SNTG1: variants seen among roughly 807,000 people sequenced by gnomAD.
SNTG1 encodes the protein syntrophin gamma 1.
In SNTG1, 39 loss-of-function variants were observed where a neutral mutation model predicts 74.7. The ratio of observed to expected loss-of-function variants is 0.52; its 90% CI spans 0.40 to 0.68. SNTG1 has a LOEUF of 0.68. Among genes scored for constraint, SNTG1 ranks in the 30% least tolerant of loss-of-function variants. The pLI is 0.00. For synonymous variants in SNTG1, 254 were observed against 217.1 expected (o/e 1.17, Z -1.49); for missense variants, 685 against 609.5 (o/e 1.12, Z -1.30).
chr8:49,933,705 T>C (rs1486447601), intron 1 of SNTG1, among the ~76,000 whole-genome samples: 5 of 152,244 alleles, frequency 3.3e-5, no homozygotes, highest in African/African-American at 1.2e-4. Flanking sequence ...TCCATTGATG[T>C]TGATGTCCAG....
chr8:50,419,799 A>AGGTGT (rs1200515025), intron 4 of SNTG1, among the ~76,000 whole-genome samples: 1 of 152,214 alleles, frequency 6.6e-6, no homozygotes, highest in Non-Finnish European at 1.5e-5. Flanking sequence ...TTAGTTACAA[A>AGGTGT]CACCATTGAA....
intron 8 of SNTG1, among the ~76,000 whole-genome samples, chr8:50,495,482 G>A (rs1049209480): frequency 6.3e-5 from 9 of 142,834 alleles, no homozygotes; most frequent in Non-Finnish European, 3.0e-5. Context: ...TTTTTTTTGA[G>A]TTATTTCCTC....
At chr8:50,124,433 T>C (rs1466258755) in intron 1 of SNTG1, among the ~76,000 whole-genome samples, 5 of 142,644 alleles carry the variant, frequency 3.5e-5, no homozygotes, top group Non-Finnish European at 7.8e-5. Flanking sequence ...AGGATAGATG[T>C]AATGAATCAT....
intron 1 of SNTG1, among the ~76,000 whole-genome samples, chr8:49,966,408 T>C (rs1213061854): frequency 1.3e-5 from 2 of 151,970 alleles, no homozygotes; most frequent in African/African-American, 4.8e-5. Context: ...TTAATTTTTT[T>C]TTTTTTGACA....
chr8:50,577,856 T>G (rs1440010957), intron 12 of SNTG1, among the ~76,000 whole-genome samples: 2 of 152,138 alleles, frequency 1.3e-5, no homozygotes, highest in African/African-American at 4.8e-5. Context: ...AAGAAAGAGG[T>G]TAAATCAGCT....
intron 11 of SNTG1, among the ~76,000 whole-genome samples, chr8:50,545,927 A>C (rs2094384242): frequency 6.6e-6 from 1 of 152,150 alleles, no homozygotes; most frequent in South Asian, 2.1e-4. Context: ...CGAAATATGA[A>C]TCTGACTTAT....
intron 2 of SNTG1, among the ~76,000 whole-genome samples, chr8:50,250,695 G>T (rs1334532042): frequency 1.3e-5 from 2 of 151,962 alleles, no homozygotes; most frequent in Non-Finnish European, 2.9e-5. Flanking sequence ...CAAACAAAAA[G>T]AAAGCAAACA....
chr8:50,244,459 T>G lies in SNTG1; in HGVS notation c.-28+71824T>G, dbSNP rs2129738750. Among the ~76,000 whole-genome samples, 2 of 152,316 alleles carry G rather than the reference T, an allele frequency of 1.3e-5. 1 individual carries two copies. The highest frequency in any genetic ancestry group is 4.1e-4 in the South Asian group (2 of 4,826). ...ATCCTCTTGTTATTCATATTTGTGT[T>G]TCATGACACTCTAAAATACAAGTCA... On this transcript the variant is annotated intron_variant, in intron 2 of 18. Coordinates refer to ENST00000642720, the MANE Select transcript of SNTG1 (RefSeq NM_018967.5).
chr8:50,727,542 T>C (rs2095503089), intron 17 of SNTG1, among the ~76,000 whole-genome samples: 2 of 152,096 alleles, frequency 1.3e-5, no homozygotes, highest in African/African-American at 4.8e-5. Flanking sequence ...TCCAGGTGCA[T>C]TTTGGATTCT....
At chr8:50,113,538 A>G (rs1487729170) in intron 1 of SNTG1, among the ~76,000 whole-genome samples, 1 of 152,144 alleles carries the variant, frequency 6.6e-6, no homozygotes, top group African/African-American at 2.4e-5. Context: ...AACAGGGACA[A>G]TTTGACTTCC....
At chr8:50,763,233 C>CT (rs2131746653) in intron 18 of SNTG1, among the ~76,000 whole-genome samples, 1 of 151,988 alleles carries the variant, frequency 6.6e-6, no homozygotes, top group East Asian at 2.0e-4. Flanking sequence ...GTTCGTTTGG[C>CT]TTTTTCCTTG....
At chr8:50,600,439 G>C (rs532650598) in intron 13 of SNTG1, among the ~76,000 whole-genome samples, 1 of 151,914 alleles carries the variant, frequency 6.6e-6, no homozygotes. Flanking sequence ...TTCTTTACTG[G>C]GAGACTCATT....
intron 15 of SNTG1, among the ~76,000 whole-genome samples, chr8:50,662,353 C>T (rs995314978): frequency 6.6e-6 from 1 of 152,124 alleles, no homozygotes; most frequent in African/African-American, 2.4e-5. Flanking sequence ...CCAGTAATAA[C>T]AAAAATGAAG....
intron 17 of SNTG1, among the ~76,000 whole-genome samples, chr8:50,726,381 A>T (rs759190797): frequency 6.6e-6 from 1 of 152,204 alleles, no homozygotes; most frequent in Non-Finnish European, 1.5e-5. Flanking sequence ...GGAGACTGAA[A>T]CATAAAACGA....
chr8:50,597,541 T>TGGTCAAAGACCATGAC (rs1215879297), intron 13 of SNTG1, among the ~76,000 whole-genome samples: 3 of 151,742 alleles, frequency 2.0e-5, no homozygotes, highest in African/African-American at 7.2e-5. Flanking sequence ...CTCTTTGACA[T>TGGTCAAAGACCATGAC]ACTGATTTCA....
intron 12 of SNTG1, among the ~76,000 whole-genome samples, chr8:50,572,275 T>TAGAGAGAG (rs71235308): frequency 1.2e-4 from 18 of 148,370 alleles, no homozygotes; most frequent in African/African-American, 4.3e-4. Flanking sequence ...TATATATATA[T>TAGAGAGAG]AGAGAGAGAG....
chr8:50,185,523 A>C (rs1262872831), intron 2 of SNTG1, among the ~76,000 whole-genome samples: 1 of 152,208 alleles, frequency 6.6e-6, no homozygotes, highest in Non-Finnish European at 1.5e-5. Context: ...GTTGTGACTC[A>C]TTTGACAGTT....
chr8:50,277,114 C>T (rs1246353771), intron 2 of SNTG1, among the ~76,000 whole-genome samples: 2 of 152,014 alleles, frequency 1.3e-5, no homozygotes, highest in Non-Finnish European at 2.9e-5. Context: ...AGGCGTGAGC[C>T]ACAGCACCTG....
chr8:50,432,655 C>T, intron 4 of SNTG1, among the ~76,000 whole-genome samples: 1 of 152,038 alleles, frequency 6.6e-6, no homozygotes, highest in East Asian at 1.9e-4. Flanking sequence ...ATACGGTTAT[C>T]TCTTCATATG....
Sources: allele counts gnomAD v4.1 joint callset (sites outside exome capture counted in the v4.1 genomes callset), GRCh38; gene constraint gnomAD v4.1.1; transcripts MANE v1.5; gene names NCBI Gene and HGNC (gene_info 2026-07-23, HGNC 2026-07-21).